The following GXYLT1 variants were observed in gnomAD, a reference collection of about 807,000 sequenced individuals.
GXYLT1 encodes glucoside xylosyltransferase 1, also known as glycosyltransferase 8 domain containing 3.
In GXYLT1, 29 loss-of-function variants were observed where a neutral mutation model predicts 54.0. That is an observed-to-expected ratio of 0.54 (90% confidence interval 0.40 to 0.73). The LOEUF is 0.73. GXYLT1 is among the 30% of genes least tolerant of loss of function. The pLI, the probability that GXYLT1 is intolerant of heterozygous loss-of-function variation, is 0.00. For missense variants in GXYLT1, 490 were observed against 553.4 expected (o/e 0.89, Z 1.15); for synonymous variants, 176 against 204.1 (o/e 0.86, Z 1.17).
At chr12:42,089,889 T>C (rs1266663331) in intron 7 of GXYLT1, among the ~76,000 whole-genome samples, 1 of 152,182 alleles carries the variant, frequency 6.6e-6, no homozygotes, top group Non-Finnish European at 1.5e-5. Flanking sequence ...AATATTTCAA[T>C]GTGCACAAAA....
In GXYLT1 at chr12:42,085,322, C is replaced by T. The variant is rs1444271548; in HGVS notation, c.*2464G>A. Reference sequence around the variant, plus strand: ...TAGTGTGTGTGACAGTGTAAATAAGCCACAACATGAGTGAGACCACAGCAT... The same window carrying T: ...TAGTGTGTGTGACAGTGTAAATAAGTCACAACATGAGTGAGACCACAGCAT... On this transcript the variant is annotated 3_prime_UTR_variant, in exon 8 of 8. Transcript: ENST00000398675. 1 of 151,880 alleles carries T rather than the reference C, an allele frequency of 6.6e-6. No homozygotes were observed. The highest frequency in any genetic ancestry group is 6.6e-5 in the Admixed American group (1 of 15,264). The allele number at this position is 151,880 out of a possible 1,614,324, so 9.4% of individuals were successfully genotyped here.
intron 5 of GXYLT1, among the ~76,000 whole-genome samples, chr12:42,105,489 G>C (rs996363290): frequency 2.6e-5 from 4 of 152,092 alleles, no homozygotes; most frequent in Non-Finnish European, 5.9e-5. Context: ...TCATAATTTA[G>C]ATTCTATGTA....
intron 3 of GXYLT1, among the ~76,000 whole-genome samples, chr12:42,118,332 ACAAAATAAAT>A (rs1156374089): frequency 6.6e-6 from 1 of 152,222 alleles, no homozygotes; most frequent in Non-Finnish European, 1.5e-5. Flanking sequence ...AAGGATATAG[ACAAAATAAAT>A]CATAGGATTT....
intron 1 of GXYLT1, among the ~76,000 whole-genome samples, chr12:42,133,169 T>C (rs998439408): frequency 6.6e-6 from 1 of 151,986 alleles, no homozygotes; most frequent in East Asian, 1.9e-4. Flanking sequence ...TCCCAGCTAC[T>C]CAGGAGGCTG....
intron 5 of GXYLT1, 44 bp downstream of exon 5, chr12:42,105,774 G>C: frequency 6.7e-7 from 1 of 1,496,262 alleles, no homozygotes; most frequent in Non-Finnish European, 9.0e-7. Context: ...CAATTTAGAA[G>C]GTTTTTAGAG....
chr12:42,100,214 A>C (rs1428638584), intron 5 of GXYLT1, among the ~76,000 whole-genome samples: 1 of 152,166 alleles, frequency 6.6e-6, no homozygotes, highest in Non-Finnish European at 1.5e-5. Context: ...CCAGAGTAAA[A>C]ACCAGTATTC....
intron 2 of GXYLT1, among the ~76,000 whole-genome samples, chr12:42,128,795 G>A (rs556350606): frequency 1.8e-4 from 27 of 152,088 alleles, no homozygotes; most frequent in Middle Eastern, 3.4e-3. Flanking sequence ...CACGGCTCAA[G>A]CAATCCTCCC....
At chr12:42,143,613 TG>T (rs2065663482) in intron 1 of GXYLT1, among the ~76,000 whole-genome samples, 2 of 152,222 alleles carry the variant, frequency 1.3e-5, no homozygotes, top group African/African-American at 2.4e-5. Flanking sequence ...ATACATAAGG[TG>T]GAAGTGTCCA....
At position 42,087,842 on chromosome 12, in the gene GXYLT1, T is replaced by C; in HGVS notation, c.1267A>G (p.Lys423Glu). 6.2e-7 allele frequency: 1 copy of C among 1,607,706 alleles called. No homozygotes were observed. Reference sequence around the variant, plus strand: ...TCTCTTACACTTTTTGCTAGTTGTTTGATAAATATTTTGTAAATTTTTCCA... The same window carrying C: ...TCTCTTACACTTTTTGCTAGTTGTTCGATAAATATTTTGTAAATTTTTCCA... ...YCGKIYKIFI[K>E]QLAKSVRDRY... The change falls in exon 8 of 8, where the codon AAA (lysine) becomes GAA (glutamate). Residue 423 changes from lysine to glutamate, a missense_variant. Physicochemically the swap from Lys to Glu is moderately conservative, Grantham distance 56. Around this residue, in one of 2 missense-constraint regions of GXYLT1, gnomAD observed 342 missense variants for 342.6 expected, o/e 1.00. Transcript: ENST00000398675.
rs186465311 is a variant in GXYLT1, at chr12:42,096,600, T to C, written c.1161+842A>G. On this transcript the variant is annotated intron_variant, in intron 7 of 7. Transcript: ENST00000398675. ...GACGCATGCCAAGTGTCAAATGATG[T>C]ATGTGGAAGGAGTGCTATTGTTGAA... Among the ~76,000 whole-genome samples, 413 of 152,306 alleles carry C rather than the reference T, an allele frequency of 2.7e-3. 2 individuals are homozygous for C. Among genetic ancestry groups the C allele is most frequent in the Non-Finnish European group, 2.2e-3 (149 of 68,000 alleles).
rs563210733 is a variant in GXYLT1, at chr12:42,104,503, G to A, written c.864+1315C>T. Among the ~76,000 whole-genome samples, 281 of 151,816 alleles carry A rather than the reference G, an allele frequency of 1.9e-3. 4 individuals carry two copies. The highest frequency in any genetic ancestry group is 1.4e-3 in the East Asian group (7 of 5,166). Reference sequence around the variant, plus strand: ...GGCTTATTAATGCAATCAGTTGTGGGAGACAAAACTAAATTTAAATCAGAA... The same window carrying A: ...GGCTTATTAATGCAATCAGTTGTGGAAGACAAAACTAAATTTAAATCAGAA... On this transcript the variant is annotated intron_variant, in intron 5 of 7. Coordinates refer to ENST00000398675, the MANE Select transcript of GXYLT1 (RefSeq NM_173601.2).
chr12:42,089,078 G>A (rs2065314129), intron 7 of GXYLT1, among the ~76,000 whole-genome samples: 1 of 151,812 alleles, frequency 6.6e-6, no homozygotes, highest in African/African-American at 2.4e-5. Flanking sequence ...CCCTTGGAGT[G>A]ATTTTTAAAA....
rs1592095934 is a variant in GXYLT1, at chr12:42,085,030, T to C, written c.*2756A>G. On this transcript the variant is annotated 3_prime_UTR_variant, in exon 8 of 8. Transcript: ENST00000398675. ...AAAGACCATTTATATGAAGATGGAA[T>C]ACGTTCTCTAAGTTGTCCATCTATA... 1 of 152,358 alleles carries C rather than the reference T, an allele frequency of 6.6e-6. No individual in the cohort carries two copies. The highest frequency in any genetic ancestry group is 3.4e-3 in the Middle Eastern group (1 of 294). The allele number at this position is 152,358 out of a possible 1,614,324, so 9.4% of individuals were successfully genotyped here.
intron 1 of GXYLT1, among the ~76,000 whole-genome samples, chr12:42,130,330 A>C (rs1336513543): frequency 6.6e-6 from 1 of 152,222 alleles, no homozygotes; most frequent in East Asian, 1.9e-4. Context: ...ATGGTGTTTT[A>C]AACTGAAAAA....
In GXYLT1 at chr12:42,106,000, C is replaced by G. The variant is rs78540738; in HGVS notation, c.682G>C (p.Asp228His). The change falls in exon 5 of 8, where the codon GAT (aspartate) becomes CAT (histidine). Residue 228 changes from aspartate (D) to histidine (H), a missense_variant. By Grantham distance (81) the Asp-to-His change is moderately conservative. Transcript: ENST00000398675. ...AATTTCTTTAGTAAAGACCAAATAT[C>G]ATCAACTGGTCGTAAAAAAAGGATA... Reference protein sequence around the residue: ...TDILFLRPVDDIWSLLKKFNS... With the variant: ...TDILFLRPVDHIWSLLKKFNS... 36 of 1,371,164 alleles carry G rather than the reference C, an allele frequency of 2.6e-5. No homozygotes were observed. The Admixed American group carries it at 4.0e-4, about 15-fold the overall frequency. 84.9% of individuals were successfully genotyped at this position (1,371,164 alleles called of 1,614,324 possible).
chr12:42,120,181 C>A (rs1174939917), intron 2 of GXYLT1, among the ~76,000 whole-genome samples: 1 of 152,164 alleles, frequency 6.6e-6, no homozygotes, highest in African/African-American at 2.4e-5. Flanking sequence ...AAACCTCTCC[C>A]CATACCACCT....
chr12:42,104,567 A>C (rs2136887812), intron 5 of GXYLT1, among the ~76,000 whole-genome samples: 1 of 152,308 alleles, frequency 6.6e-6, no homozygotes, highest in African/African-American at 2.4e-5. Context: ...TAAAAAAAAA[A>C]AAAACTAAGT....
intron 1 of GXYLT1, among the ~76,000 whole-genome samples, chr12:42,136,604 A>G (rs74078174): frequency 0.024 from 3,663 of 152,272 alleles, 146 homozygotes; most frequent in African/African-American, 0.084. Flanking sequence ...GGGTAGCACA[A>G]GGTACCTTTG....
chr12:42,123,885 AAAC>A (rs2136910113), intron 2 of GXYLT1, among the ~76,000 whole-genome samples: 1 of 152,128 alleles, frequency 6.6e-6, no homozygotes, highest in East Asian at 1.9e-4. Context: ...TTAAAAAGAA[AAAC>A]AACACCTTTT....
Sources: allele counts gnomAD v4.1 joint callset (sites outside exome capture counted in the v4.1 genomes callset), GRCh38; gene constraint gnomAD v4.1.1; regional missense constraint gnomAD v4.1.1; transcripts MANE v1.5; gene names NCBI Gene and HGNC (gene_info 2026-07-23, HGNC 2026-07-21).